Variants in TUNAR observed in about 807,000 individuals in gnomAD.
The protein encoded by TUNAR is protein TUNAR.
chr14:95,882,629 G>A (rs1167311972), intron 2 of TUNAR, among the ~76,000 whole-genome samples: 1 of 152,168 alleles, frequency 6.6e-6, no homozygotes, highest in African/African-American at 2.4e-5. Flanking sequence ...AGGTCAGGTG[G>A]TGGTCTTGGT....
chr14:95,879,630 G>A (rs1255332059), intron 2 of TUNAR, among the ~76,000 whole-genome samples: 4 of 150,360 alleles, frequency 2.7e-5, no homozygotes, highest in Non-Finnish European at 5.9e-5. Context: ...CATATTTTTT[G>A]CCTTTTTTCT....
At chr14:95,878,103 G>A (rs1888920104) in intron 2 of TUNAR, among the ~76,000 whole-genome samples, 1 of 152,236 alleles carries the variant, frequency 6.6e-6, no homozygotes, top group South Asian at 2.1e-4. Flanking sequence ...GCTGATCCCA[G>A]ATGGCCACTG....
intron 2 of TUNAR, among the ~76,000 whole-genome samples, chr14:95,914,665 TG>T (rs1224765393): frequency 1.7e-5 from 2 of 116,220 alleles, no homozygotes; most frequent in African/African-American, 6.8e-5. Flanking sequence ...CTGTCATCAT[TG>T]TCATCATCAT....
At chr14:95,904,434 A>G (rs995039480) in intron 2 of TUNAR, among the ~76,000 whole-genome samples, 1 of 152,174 alleles carries the variant, frequency 6.6e-6, no homozygotes, top group African/African-American at 2.4e-5. Flanking sequence ...GAAGGCAGGC[A>G]GGCTGACCTT....
intron 2 of TUNAR, among the ~76,000 whole-genome samples, chr14:95,881,014 T>C (rs1010282497): frequency 6.6e-6 from 1 of 152,206 alleles, no homozygotes; most frequent in African/African-American, 2.4e-5. Context: ...AAATGGACTC[T>C]GCTGGGGTTT....
chr14:95,894,520 T>C (rs998310442), intron 2 of TUNAR, among the ~76,000 whole-genome samples: 2 of 151,652 alleles, frequency 1.3e-5, no homozygotes, highest in African/African-American at 4.8e-5. Context: ...TGCGGAAGAG[T>C]GTGGTTTGCG....
At chr14:95,918,949 C>T (rs1347576742) in intron 2 of TUNAR, among the ~76,000 whole-genome samples, 5 of 152,310 alleles carry the variant, frequency 3.3e-5, no homozygotes, top group East Asian at 1.9e-4. Context: ...GTGCCTGCTC[C>T]ATGCCCGGCA....
intron 2 of TUNAR, among the ~76,000 whole-genome samples, chr14:95,880,544 G>A (rs941002242): frequency 6.6e-6 from 1 of 152,224 alleles, no homozygotes; most frequent in Non-Finnish European, 1.5e-5. Flanking sequence ...GGGGTAAGAA[G>A]ACTATGACAT....
intron 2 of TUNAR, among the ~76,000 whole-genome samples, chr14:95,890,498 G>A (rs1389820603): frequency 1.3e-5 from 2 of 152,194 alleles, no homozygotes; most frequent in Admixed American, 1.3e-4. Flanking sequence ...AACAGCTGTG[G>A]CTGGGAGGTG....
intron 2 of TUNAR, among the ~76,000 whole-genome samples, chr14:95,898,033 T>C (rs1206698771): frequency 3.9e-5 from 6 of 152,178 alleles, no homozygotes; most frequent in Non-Finnish European, 7.3e-5. Context: ...CCAGGGCTGC[T>C]GCCCCCAGGT....
chr14:95,909,210 TA>T (rs1234644586), intron 2 of TUNAR, among the ~76,000 whole-genome samples: 4 of 152,054 alleles, frequency 2.6e-5, no homozygotes, highest in African/African-American at 9.6e-5. Flanking sequence ...CAACACACAG[TA>T]AACTAATCCT....
At chr14:95,888,923 G>C (rs1377484455) in intron 2 of TUNAR, among the ~76,000 whole-genome samples, 2 of 152,216 alleles carry the variant, frequency 1.3e-5, no homozygotes, top group African/African-American at 4.8e-5. Context: ...TTGCAAGGCA[G>C]CAGAGTGGGG....
intron 2 of TUNAR, among the ~76,000 whole-genome samples, chr14:95,890,781 A>G (rs539890978): frequency 2.6e-5 from 4 of 152,392 alleles, no homozygotes; most frequent in South Asian, 4.1e-4. Flanking sequence ...CCTTAATATT[A>G]GAATCGTGAA....
chr14:95,905,754 AT>A (rs1889419742), intron 2 of TUNAR, among the ~76,000 whole-genome samples: 1 of 152,186 alleles, frequency 6.6e-6, no homozygotes, highest in Admixed American at 6.5e-5. Context: ...CTTGTCCACA[AT>A]AATTATTACT....
chr14:95,919,526 AG>A (rs1889657722), intron 2 of TUNAR, among the ~76,000 whole-genome samples: 1 of 152,058 alleles, frequency 6.6e-6, no homozygotes, highest in Non-Finnish European at 1.5e-5. Context: ...CTAGCAACAT[AG>A]TGGGACCCAG....
At chr14:95,885,384 G>C (rs144716103) in intron 2 of TUNAR, among the ~76,000 whole-genome samples, 10 of 152,292 alleles carry the variant, frequency 6.6e-5, no homozygotes, top group African/African-American at 2.2e-4. Flanking sequence ...AACGTGTTAC[G>C]TAACTACCTG....
chr14:95,921,114 T>A (rs1202529597), intron 2 of TUNAR, among the ~76,000 whole-genome samples: 1 of 152,198 alleles, frequency 6.6e-6, no homozygotes, highest in Non-Finnish European at 1.5e-5. Context: ...TCAGCCTTTT[T>A]GTTTCATTCG....
rs1416284884 is a variant in TUNAR, at chr14:95,923,133, C to T, written c.*167C>T. ...AAAAGGTCACACAAATAGACCGATC[C>T]TGCTGCAGGGAGCAGACACTAAAGC... On this transcript the variant is annotated 3_prime_UTR_variant, in exon 3 of 3. Transcript: ENST00000678517. 5.3e-5 allele frequency: 21 copies of T among 394,216 alleles called. No individual in the cohort carries two copies. In the Admixed American group the frequency reaches 8.9e-4, roughly 17 times the overall value. 24.4% of individuals were successfully genotyped at this position (394,216 alleles called of 1,614,324 possible).
intron 2 of TUNAR, among the ~76,000 whole-genome samples, chr14:95,886,367 TGAAGAA>T (rs1275665259): frequency 6.6e-6 from 1 of 152,168 alleles, no homozygotes; most frequent in South Asian, 2.1e-4. Flanking sequence ...AAAGGGAACA[TGAAGAA>T]GGGAAGAGTG....
Sources: gnomAD v4.1 joint callset for allele counts (sites outside exome capture counted in the v4.1 genomes callset) on GRCh38, gnomAD v4.1.1 for gene constraint, MANE v1.5 for transcripts, NCBI Gene and HGNC (gene_info 2026-07-23, HGNC 2026-07-21) for gene names.